MAST4: variants seen among roughly 807,000 people sequenced by gnomAD.
MAST4 encodes the protein microtubule associated serine/threonine kinase family member 4.
MAST4 carries 89 observed loss-of-function variants against 162.7 expected under a neutral mutation model. That is an observed-to-expected ratio of 0.55 (90% confidence interval 0.46 to 0.65). The LOEUF (loss-of-function observed/expected upper bound fraction) is 0.65, where lower values mean the gene tolerates loss of function less well. Ranked by LOEUF, MAST4 falls within the 30% of genes least tolerant of loss-of-function variation. The probability of loss-of-function intolerance (pLI) is 0.00; values close to 1 mark genes in which losing one functional copy is unlikely to be tolerated. For synonymous variants in MAST4, 1,479 were observed against 1,361.1 expected, an observed-to-expected ratio of 1.09 and a Z score of -1.91; for missense variants, 3,153 against 3,374.0, an observed-to-expected ratio of 0.93 and a Z score of 1.62.
At chr5:66,692,928 T>A (rs1457715006) in intron 1 of MAST4, among the ~76,000 whole-genome samples, 1 of 152,056 alleles carries the variant, frequency 6.6e-6, no homozygotes. Flanking sequence ...CGTCTGTCCA[T>A]TGAATAATGA....
chr5:67,163,585 A>G lies in MAST4; in HGVS notation c.4406A>G (p.Glu1469Gly). The change falls in exon 29 of 29, where the codon GAG becomes GGG. Residue 1469 changes from glutamate to glycine, a missense_variant. Glu to Gly is a moderately conservative substitution (Grantham distance 98). This residue lies in a region of MAST4 where 619 missense variants were observed against 744.2 expected (regional missense o/e 0.83). Transcript: ENST00000403625. This position sits in a 1 kb window ranked among gnomAD's most constrained non-coding sequence, Gnocchi z 7.0. ...KHLCSRKHSL[E>G]VTQEEVQREQ... ...CTGTGCTCCCGCAAGCACAGCCTGG[A>G]GGTGACCCAAGAGGAGGTGCAGCGG... 6.3e-7 allele frequency: 1 copy of G among 1,595,640 alleles called. No individual in the cohort carries two copies. Among genetic ancestry groups the G allele is most frequent in the Middle Eastern group, 1.7e-4 (1 of 6,042 alleles).
At chr5:66,905,106 G>A (rs951833121) in intron 4 of MAST4, among the ~76,000 whole-genome samples, 1 of 152,046 alleles carries the variant, frequency 6.6e-6, no homozygotes, top group African/African-American at 2.4e-5. Flanking sequence ...AGGAGTTCAG[G>A]ACCAGCCCAG....
intron 25 of MAST4, among the ~76,000 whole-genome samples, chr5:67,153,219 A>AT (rs1277656594): frequency 4.2e-4 from 63 of 151,110 alleles, no homozygotes; most frequent in African/African-American, 1.3e-3. Context: ...TTGGTCATTC[A>AT]TTTTTTTTTC....
chr5:66,633,478 G>C (rs116660678), intron 1 of MAST4, among the ~76,000 whole-genome samples: 3,441 of 152,286 alleles, frequency 0.023, 77 homozygotes, highest in African/African-American at 0.058. Context: ...GCAGGTTATA[G>C]AGTCAATCCA....
intron 1 of MAST4, among the ~76,000 whole-genome samples, chr5:66,749,514 T>C (rs936395150): frequency 6.6e-6 from 1 of 152,214 alleles, no homozygotes; most frequent in African/African-American, 2.4e-5. Context: ...CTTGGTATGA[T>C]TGTAAAGAGT....
intron 1 of MAST4, among the ~76,000 whole-genome samples, chr5:66,618,205 G>T (rs772796305): frequency 5.3e-5 from 8 of 152,180 alleles, no homozygotes; most frequent in Non-Finnish European, 1.2e-4. Flanking sequence ...CAGGAACTAC[G>T]CTAGATGTTT....
chr5:67,067,580 CA>C (rs1040729205), intron 5 of MAST4, among the ~76,000 whole-genome samples: 4 of 152,146 alleles, frequency 2.6e-5, no homozygotes, highest in Non-Finnish European at 5.9e-5. Flanking sequence ...GGATTATTGA[CA>C]AGGCATGTGT....
Position 66,948,718 on chromosome 5 carries a change from C to T in MAST4, c.674+48736C>T, listed in dbSNP as rs368298613. On this transcript the variant is annotated intron_variant, in intron 4 of 28. Transcript: ENST00000403625. ...CCAGAGTAATTTGAATTTCTCTAGT[C>T]AAGAATGGGTAAATAAGCCATCTGG... Among the ~76,000 whole-genome samples, 48 of 152,222 alleles carry T rather than the reference C, an allele frequency of 3.2e-4. 1 individual carries two copies. Among genetic ancestry groups the T allele is most frequent in the African/African-American group, 1.1e-3 (47 of 41,548 alleles).
At chr5:66,952,842 G>T (rs75504253) in intron 4 of MAST4, among the ~76,000 whole-genome samples, 5 of 152,076 alleles carry the variant, frequency 3.3e-5, no homozygotes, top group Admixed American at 6.5e-5. Context: ...TTCCCAGCCC[G>T]ATCTAAAGAT....
At chr5:66,792,999 C>T (rs1268445014) in intron 3 of MAST4, among the ~76,000 whole-genome samples, 4 of 152,138 alleles carry the variant, frequency 2.6e-5, no homozygotes, top group Non-Finnish European at 2.9e-5. Flanking sequence ...AGGCCCTCAA[C>T]GTGAGAGGTA....
chr5:67,140,784 C>G (rs1770283976), intron 19 of MAST4, among the ~76,000 whole-genome samples: 1 of 152,236 alleles, frequency 6.6e-6, no homozygotes. Flanking sequence ...ATACTTGTCA[C>G]AAGTTGGCCC....
At chr5:66,895,994 A>G (rs1762659382) in intron 3 of MAST4, among the ~76,000 whole-genome samples, 1 of 152,192 alleles carries the variant, frequency 6.6e-6, no homozygotes, top group South Asian at 2.1e-4. Flanking sequence ...GTACATTGTT[A>G]TCATCTAAAG....
At chr5:66,974,662 T>C (rs1747898620) in intron 4 of MAST4, among the ~76,000 whole-genome samples, 1 of 152,192 alleles carries the variant, frequency 6.6e-6, no homozygotes, top group Admixed American at 6.5e-5. Flanking sequence ...AAATAAAAAA[T>C]GAAACACTTG....
At chr5:66,876,333 G>A (rs1561404918) in intron 3 of MAST4, among the ~76,000 whole-genome samples, 1 of 152,064 alleles carries the variant, frequency 6.6e-6, no homozygotes, top group Non-Finnish European at 1.5e-5. Context: ...AGAAGGTGAG[G>A]TGGGACTTTT....
chr5:66,626,075 TAATCTAA>T (rs1313312287), intron 1 of MAST4, among the ~76,000 whole-genome samples: 1 of 152,112 alleles, frequency 6.6e-6, no homozygotes, highest in Non-Finnish European at 1.5e-5. Flanking sequence ...AAAATATAAA[TAATCTAA>T]AATCTAAAAT....
chr5:66,652,855 C>G (rs1219224902), intron 1 of MAST4, among the ~76,000 whole-genome samples: 1 of 152,174 alleles, frequency 6.6e-6, no homozygotes, highest in Non-Finnish European at 1.5e-5. Flanking sequence ...TGTTTGCTCT[C>G]TTTGAGGCAA....
chr5:66,786,354 C>T (rs1313744737), intron 2 of MAST4, among the ~76,000 whole-genome samples: 2 of 151,320 alleles, frequency 1.3e-5, no homozygotes, highest in Non-Finnish European at 2.9e-5. Context: ...ATAGTGGGTT[C>T]TCTCCATCAT....
chr5:67,110,121 A>C lies in MAST4; in HGVS notation c.1380A>C (p.Gly460=). The change falls in exon 11 of 29, where the codon GGA becomes GGC. Residue 460 remains glycine, a synonymous_variant. Coordinates refer to ENST00000403625, the MANE Select transcript of MAST4 (RefSeq NM_001164664.2). ...LQEAHDRSES[G]ELAFIKQLVR... ...AGGCTCATGATCGTTCAGAAAGTGG[A>C]GAATTGGCATTTATTAAACAACTAG... The C allele has an allele frequency of 1.2e-6, 2 of 1,613,524 alleles. No homozygotes were observed. The highest frequency in any genetic ancestry group is 8.5e-7 in the Non-Finnish European group (1 of 1,179,514).
chr5:67,031,400 A>G (rs568470383), intron 4 of MAST4, among the ~76,000 whole-genome samples: 2 of 152,322 alleles, frequency 1.3e-5, no homozygotes, highest in Admixed American at 6.5e-5. Context: ...TGGATCATTC[A>G]TGCAGTGAAC....
Sources: allele counts gnomAD v4.1 joint callset (sites outside exome capture counted in the v4.1 genomes callset), GRCh38; gene constraint gnomAD v4.1.1; regional missense constraint gnomAD v4.1.1; non-coding constraint Gnocchi (gnomAD v3.1); transcripts MANE v1.5; gene names NCBI Gene and HGNC (gene_info 2026-07-23, HGNC 2026-07-21).